The following ZNF676 variants were observed in gnomAD, a reference collection of about 807,000 sequenced individuals.
ZNF676 encodes the protein zinc finger protein 676.
In ZNF676, 4 loss-of-function variants were observed where a neutral mutation model predicts 6.0. That is an observed-to-expected ratio of 0.67 (90% CI 0.33 to 1.53). ZNF676 has a LOEUF of 1.53. Among genes scored for constraint, ZNF676 ranks in the 40% most tolerant of loss-of-function variants. ZNF676 has a pLI of 0.06. For missense variants in ZNF676, 644 were observed against 679.7 expected (o/e 0.95, Z 0.58); for synonymous variants, 198 against 223.1 (o/e 0.89, Z 1.00).
chr19:22,247,382 G>A, the ZNF676 span, among the ~76,000 whole-genome samples: 4 of 151,792 alleles, frequency 2.6e-5, no homozygotes, highest in Non-Finnish European at 5.9e-5. Context: ...TGACCAACAT[G>A]GAGAAAACCC....
intron 1 of ZNF676, chr19:22,204,045 A>G (rs2024052612): frequency 2.0e-5 from 3 of 152,208 alleles, no homozygotes; most frequent in Admixed American, 6.5e-5. Flanking sequence ...ATATAGTAGA[A>G]TATATTAGAG....
chr19:22,179,150 T>C lies in ZNF676; in HGVS notation c.*800A>G, dbSNP rs1022781323. On this transcript the variant is annotated 3_prime_UTR_variant, in exon 3 of 3. Transcript: ENST00000397121. ...CTCCAGTATATTATCTTACCTACAA[T>C]CAAGTGTGACAGCCATTTAAAGGCT... The C allele has an allele frequency of 4.4e-5, 7 of 158,044 alleles. No homozygotes were observed. The highest frequency in any genetic ancestry group is 1.7e-4 in the African/African-American group (7 of 41,498). The allele number at this position is 158,044 out of a possible 1,614,324, so 9.8% of individuals were successfully genotyped here. A position where few individuals can be genotyped will look rare whatever the true frequency, so the allele number is the denominator to read the frequency against.
rs188309181 is a variant in ZNF676, at chr19:22,179,377, A to G, written c.*573T>C. ...CTTCACACATGCATGGTTTCTCTCCAGTATGAGTTGTCTTATATGTAGTAA... is the reference window on the plus strand; with the variant it reads ...CTTCACACATGCATGGTTTCTCTCCGGTATGAGTTGTCTTATATGTAGTAA... On this transcript the variant is annotated 3_prime_UTR_variant, in exon 3 of 3. Transcript: ENST00000397121. 1.5e-4 allele frequency: 39 copies of G among 262,142 alleles called. No individual in the cohort carries two copies. Among genetic ancestry groups the G allele is most frequent in the African/African-American group, 8.8e-4 (39 of 44,302 alleles). The allele number at this position is 262,142 out of a possible 1,614,324, so 16.2% of individuals were successfully genotyped here. A position where few individuals can be genotyped will look rare whatever the true frequency, so the allele number is the denominator to read the frequency against.
At chr19:22,215,040 C>CAAAAAAAAAAAA (rs1159376851) in intron 1 of ZNF676, among the ~76,000 whole-genome samples, 3 of 51,386 alleles carry the variant, frequency 5.8e-5, no homozygotes, top group Non-Finnish European at 7.2e-5. Context: ...GACTCCATCT[C>CAAAAAAAAAAAA]AAAAAAAAAA....
chr19:22,215,592 C>T (rs1426648204), intron 1 of ZNF676: 3 of 1,608,394 alleles, frequency 1.9e-6, no homozygotes, highest in Non-Finnish European at 8.5e-7. Context: ...TCCAACCAGC[C>T]CAGGCCACTC....
intron 2 of ZNF676, among the ~76,000 whole-genome samples, chr19:22,184,581 T>C (rs2023806213): frequency 6.6e-6 from 1 of 151,712 alleles, no homozygotes; most frequent in Admixed American, 6.6e-5. Context: ...GCTCAGTGGG[T>C]CCCACACCAT....
At chr19:22,252,860 G>A in the ZNF676 span, among the ~76,000 whole-genome samples, 1 of 152,228 alleles carries the variant, frequency 6.6e-6, no homozygotes, top group African/African-American at 2.4e-5. Context: ...GCTGAGCCCA[G>A]GCAGGAGCAT....
upstream of ZNF676, among the ~76,000 whole-genome samples, chr19:22,218,791 G>A (rs1353163752): frequency 4.6e-5 from 7 of 151,804 alleles, no homozygotes; most frequent in African/African-American, 2.4e-5. Context: ...TTTATTTCTG[G>A]TTTCACTATT....
chr19:22,207,882 C>G (rs2024091473), intron 1 of ZNF676, among the ~76,000 whole-genome samples: 1 of 151,638 alleles, frequency 6.6e-6, no homozygotes, highest in African/African-American at 2.4e-5. Flanking sequence ...GAATAACTAG[C>G]TAGCACTATG....
upstream of ZNF676, among the ~76,000 whole-genome samples, chr19:22,218,183 T>TA (rs2024212900): frequency 2.0e-5 from 3 of 152,240 alleles, no homozygotes; most frequent in Non-Finnish European, 2.9e-5. Context: ...GCATTTGCTT[T>TA]GAGGTTCTTG....
chr19:22,192,199 A>C (rs1300422419), intron 2 of ZNF676, among the ~76,000 whole-genome samples: 1 of 152,172 alleles, frequency 6.6e-6, no homozygotes, highest in Non-Finnish European at 1.5e-5. Context: ...GATAAAATAG[A>C]AAAAGAAAAC....
upstream of ZNF676, among the ~76,000 whole-genome samples, chr19:22,218,136 G>A (rs1212933845): frequency 2.6e-5 from 4 of 151,928 alleles, no homozygotes; most frequent in African/African-American, 7.3e-5. Context: ...ATCTTCTTTT[G>A]AGAATTGTTT....
upstream of ZNF676, among the ~76,000 whole-genome samples, chr19:22,198,239 C>A (rs1237512641): frequency 7.2e-5 from 11 of 152,106 alleles, no homozygotes; most frequent in Non-Finnish European, 1.6e-4. Flanking sequence ...TCAACAGCCA[C>A]AAAGGGACAT....
chr19:22,253,527 T>A, the ZNF676 span, among the ~76,000 whole-genome samples: 39 of 70,150 alleles, frequency 5.6e-4, no homozygotes, highest in Non-Finnish European at 1.1e-3. Context: ...TATATACACA[T>A]TAAAGTCACA....
intron 2 of ZNF676, among the ~76,000 whole-genome samples, chr19:22,188,869 G>A (rs1238676365): frequency 6.6e-6 from 1 of 152,118 alleles, no homozygotes; most frequent in Admixed American, 6.5e-5. Flanking sequence ...CAAACAAATG[G>A]AAGAACATTC....
chr19:22,180,334 G>A lies in ZNF676; in HGVS notation c.1383C>T (p.Ser461=). The A allele has an allele frequency of 6.2e-7, 1 of 1,613,882 alleles. No individual in the cohort carries two copies. Among genetic ancestry groups the A allele is most frequent in the Non-Finnish European group, 8.5e-7 (1 of 1,179,952 alleles). ...CEECGKAFTW[S]SSFTKHKRIH... ...TTCTCTTGTGTTTAGTAAAGCTTGA[G>A]GACCAGGTGAAGGCTTTGCCACATT... The change falls in exon 3 of 3, where the codon TCC becomes TCT. Residue 461 remains serine (S), a synonymous_variant. Transcript: ENST00000397121.
intron 2 of ZNF676, among the ~76,000 whole-genome samples, chr19:22,181,947 G>C (rs911458124): frequency 1.3e-5 from 2 of 149,774 alleles, no homozygotes; most frequent in Non-Finnish European, 3.0e-5. Context: ...TTTTTTTAAG[G>C]AAAGTAAAAT....
At chr19:22,223,356 G>A in the ZNF676 span, among the ~76,000 whole-genome samples, 1 of 152,046 alleles carries the variant, frequency 6.6e-6, no homozygotes, top group Non-Finnish European at 1.5e-5. Context: ...AACACAGGCT[G>A]GTCTTGAAAT....
chr19:22,193,581 C>T (rs1599713967), intron 1 of ZNF676, among the ~76,000 whole-genome samples: 1 of 151,956 alleles, frequency 6.6e-6, no homozygotes, highest in East Asian at 1.9e-4. Context: ...TCCAACAGCG[C>T]CTATTGAAAA....
Sources: gnomAD v4.1 joint callset for allele counts (sites outside exome capture counted in the v4.1 genomes callset) on GRCh38, gnomAD v4.1.1 for gene constraint, MANE v1.5 for transcripts, NCBI Gene and HGNC (gene_info 2026-07-23, HGNC 2026-07-21) for gene names.